Variants in TMTC1 observed in about 807,000 individuals in gnomAD.
TMTC1 encodes transmembrane O-mannosyltransferase targeting cadherins 1, also known as protein O-mannosyl-transferase TMTC1.
In TMTC1, 73 loss-of-function variants were observed where a neutral mutation model predicts 104.8. The ratio of observed to expected loss-of-function variants is 0.70; its 90% CI spans 0.58 to 0.85. The LOEUF (loss-of-function observed/expected upper bound fraction) is 0.85, where lower values mean the gene tolerates loss of function less well. Ranked by LOEUF, TMTC1 falls within the 40% of genes least tolerant of loss-of-function variation. The pLI, the probability that TMTC1 is intolerant of heterozygous loss-of-function variation, is 0.00. For missense variants in TMTC1, 1,035 were observed against 1,096.1 expected (o/e 0.94, Z 0.79); for synonymous variants, 434 against 428.7 (o/e 1.01, Z -0.15).
chr12:29,632,167 A>G (rs1479513465), intron 6 of TMTC1, among the ~76,000 whole-genome samples: 2 of 152,192 alleles, frequency 1.3e-5, no homozygotes, highest in East Asian at 3.8e-4. Context: ...AAAACTTTCC[A>G]AAGTTTACCA....
intron 7 of TMTC1, among the ~76,000 whole-genome samples, chr12:29,584,884 G>A (rs1360333882): frequency 1.3e-5 from 2 of 150,588 alleles, no homozygotes; most frequent in African/African-American, 2.5e-5. Flanking sequence ...ATTGTGAATA[G>A]TGCCACAATA....
rs1943927235 is a variant in TMTC1 at position 29,514,485 on chromosome 12, A to G, written c.2427T>C (p.Phe809=). The G allele has an allele frequency of 6.2e-7, 1 of 1,610,048 alleles. No individual in the cohort carries two copies. The highest frequency in any genetic ancestry group is 8.5e-7 in the Non-Finnish European group (1 of 1,179,066). The change falls in exon 16 of 18, where the codon TTT becomes TTC. Residue 809 remains phenylalanine (F), a synonymous_variant. Transcript: ENST00000539277. ...LREQNLLDKA[F]ESYRVAVQLN... ...TAATTTTATGATGAGTTTATACCTC[A>G]AAAGCTTTGTCGAGAAGGTTCTGCT...
intron 11 of TMTC1, 22 bp from the exon 12 acceptor site, chr12:29,520,742 C>T (rs1420972742): frequency 1.3e-6 from 2 of 1,570,204 alleles, no homozygotes; most frequent in Non-Finnish European, 1.7e-6. Context: ...AAGAAACAAA[C>T]AAAATAAGTG....
chr12:29,572,249 T>C (rs763446916), intron 8 of TMTC1, 31 bp from the exon 9 acceptor site: 1 of 1,516,262 alleles, frequency 6.6e-7, no homozygotes, highest in Non-Finnish European at 9.1e-7. Context: ...AAAAGAATTA[T>C]TTGACAAAGA....
chr12:29,710,089 T>C (rs1368759421), intron 5 of TMTC1, among the ~76,000 whole-genome samples: 9 of 152,142 alleles, frequency 5.9e-5, no homozygotes, highest in African/African-American at 2.2e-4. Context: ...TCTCTATCTG[T>C]CTCTAGTCAA....
At chr12:29,644,735 T>A (rs147014057) in intron 5 of TMTC1, among the ~76,000 whole-genome samples, 5 of 152,172 alleles carry the variant, frequency 3.3e-5, no homozygotes, top group Non-Finnish European at 7.4e-5. Context: ...GGAGGCTGAG[T>A]GTAGTTAGCA....
intron 6 of TMTC1, among the ~76,000 whole-genome samples, chr12:29,624,711 C>G (rs553664262): frequency 6.6e-6 from 1 of 152,176 alleles, no homozygotes; most frequent in Non-Finnish European, 1.5e-5. Flanking sequence ...CTGACCTCTT[C>G]GCATCACCTA....
chr12:29,578,334 G>GA (rs890744454), intron 8 of TMTC1, among the ~76,000 whole-genome samples: 1 of 151,946 alleles, frequency 6.6e-6, no homozygotes, highest in Non-Finnish European at 1.5e-5. Flanking sequence ...AACAGTTTGT[G>GA]AAAAAAAGGA....
rs143273324 is a variant in TMTC1 at position 29,703,640 on chromosome 12, T to C, written c.938+48026A>G. Among the ~76,000 whole-genome samples the C allele has an allele frequency of 6.4e-3, 980 of 152,320 alleles. 15 individuals are homozygous for C. Among genetic ancestry groups the C allele is most frequent in the African/African-American group, 0.02 (817 of 41,576 alleles). On this transcript the variant is annotated intron_variant, in intron 5 of 17. Transcript: ENST00000539277. ...AATGAGGCAATGAGATCTCTAAAGT[T>C]ACAGCAACTTATTCCAGTGAGAAGG...
chr12:29,720,156 A>G (rs1354234276), intron 5 of TMTC1, among the ~76,000 whole-genome samples: 1 of 152,212 alleles, frequency 6.6e-6, no homozygotes, highest in African/African-American at 2.4e-5. Flanking sequence ...AACTCCATTC[A>G]TGTGTCGTGC....
intron 5 of TMTC1, among the ~76,000 whole-genome samples, chr12:29,644,090 A>AAT (rs200924209): frequency 0.3 from 15,333 of 51,018 alleles, 3,446 homozygotes; most frequent in Non-Finnish European, 0.35. Flanking sequence ...TATAAATATA[A>AAT]ATATAAATAT....
chr12:29,778,961 A>G (rs1476859875), intron 1 of TMTC1, among the ~76,000 whole-genome samples: 1 of 152,206 alleles, frequency 6.6e-6, no homozygotes, highest in African/African-American at 2.4e-5. Context: ...CAAAGGCAAA[A>G]TGGAACCCAC....
intron 10 of TMTC1, 35 bp from the exon 11 acceptor site, chr12:29,536,352 C>G: frequency 7.8e-7 from 1 of 1,284,322 alleles, no homozygotes; most frequent in East Asian, 2.3e-5. Context: ...GGGAGAACAT[C>G]TTTTAATAAC....
At chr12:29,642,833 G>A (rs1334447991) in intron 5 of TMTC1, among the ~76,000 whole-genome samples, 2 of 151,036 alleles carry the variant, frequency 1.3e-5, no homozygotes, top group Non-Finnish European at 2.9e-5. Context: ...GCTGAGGCAG[G>A]AGAATGGCGT....
At chr12:29,570,004 C>T (rs1449774354) in intron 9 of TMTC1, among the ~76,000 whole-genome samples, 2 of 152,126 alleles carry the variant, frequency 1.3e-5, no homozygotes, top group Non-Finnish European at 2.9e-5. Context: ...TACCTTTGCT[C>T]CAAGTTATGC....
chr12:29,613,905 C>T, intron 6 of TMTC1: 3 of 972,692 alleles, frequency 3.1e-6, no homozygotes, highest in Middle Eastern at 1.1e-3. Flanking sequence ...GCAAGTCACA[C>T]TCACCAAAAT....
intron 5 of TMTC1, among the ~76,000 whole-genome samples, chr12:29,730,312 G>A (rs1942513823): frequency 6.6e-6 from 1 of 152,168 alleles, no homozygotes; most frequent in Admixed American, 6.5e-5. Context: ...ATTCATGCTT[G>A]TGCTTTTTTA....
chr12:29,535,204 C>G (rs759656962), intron 11 of TMTC1: 13 of 152,180 alleles, frequency 8.5e-5, no homozygotes, highest in Non-Finnish European at 1.5e-4. Context: ...CAACACAAGC[C>G]AAGGGCAGCT....
chr12:29,760,828 T>C (rs1943327757), intron 2 of TMTC1, among the ~76,000 whole-genome samples: 1 of 149,754 alleles, frequency 6.7e-6, no homozygotes, highest in African/African-American at 2.4e-5. Flanking sequence ...TTCATAATTA[T>C]ATAACTCATT....
Sources: gnomAD v4.1 joint callset for allele counts (sites outside exome capture counted in the v4.1 genomes callset) on GRCh38, gnomAD v4.1.1 for gene constraint, MANE v1.5 for transcripts, NCBI Gene and HGNC (gene_info 2026-07-23, HGNC 2026-07-21) for gene names.